Variants in NBEA observed in about 807,000 individuals in gnomAD.
The protein encoded by NBEA is neurobeachin.
A neutral mutation model predicts 343.4 loss-of-function variants in NBEA; 44 were observed. The ratio of observed to expected loss-of-function variants is 0.13; its 90% CI spans 0.10 to 0.16. The LOEUF is 0.16. NBEA is among the 10% of genes least tolerant of loss of function. The pLI is 1.00. For synonymous variants in NBEA, 1,175 were observed against 1,238.7 expected, an observed-to-expected ratio of 0.95 and a Z score of 1.08; for missense variants, 2,555 against 3,631.3, an observed-to-expected ratio of 0.70 and a Z score of 7.62.
At chr13:35,556,022 C>T (rs1346600864) in intron 44 of NBEA, among the ~76,000 whole-genome samples, 1 of 151,656 alleles carries the variant, frequency 6.6e-6, no homozygotes, top group East Asian at 1.9e-4. Context: ...ATTAAATAGA[C>T]AAAACTTGAT....
chr13:35,168,408 A>G (rs1333364298), intron 24 of NBEA, among the ~76,000 whole-genome samples: 1 of 151,598 alleles, frequency 6.6e-6, no homozygotes, highest in Non-Finnish European at 1.5e-5. Flanking sequence ...TAGTATATCA[A>G]GTTATTTTCT....
At chr13:35,054,337 T>C (rs1300856903) in intron 6 of NBEA, among the ~76,000 whole-genome samples, 1 of 152,122 alleles carries the variant, frequency 6.6e-6, no homozygotes. Flanking sequence ...TATTTGACAC[T>C]CTTTTTACGG....
chr13:35,627,664 C>T (rs2083286881), intron 48 of NBEA, among the ~76,000 whole-genome samples: 1 of 151,928 alleles, frequency 6.6e-6, no homozygotes, highest in South Asian at 2.1e-4. Flanking sequence ...ATCAGAGTTT[C>T]TCATAAAATT....
chr13:35,418,828 G>A (rs1271668871), intron 38 of NBEA, among the ~76,000 whole-genome samples: 1 of 151,968 alleles, frequency 6.6e-6, no homozygotes, highest in Non-Finnish European at 1.5e-5. Flanking sequence ...CTATGTTTTA[G>A]TTCGTTGAGG....
intron 33 of NBEA, among the ~76,000 whole-genome samples, chr13:35,217,584 T>C (rs1261326289): frequency 6.6e-6 from 1 of 152,098 alleles, no homozygotes; most frequent in East Asian, 1.9e-4. Flanking sequence ...CATTTTTGCC[T>C]ATGAATGTTC....
chr13:35,606,629 T>G, intron 48 of NBEA, 51 bp downstream of exon 48: 1 of 1,475,052 alleles, frequency 6.8e-7, no homozygotes, highest in Non-Finnish European at 9.1e-7. Context: ...GTTAACATAT[T>G]CTGTAGTTTT....
chr13:35,419,709 A>G (rs2044155815), intron 38 of NBEA, among the ~76,000 whole-genome samples: 1 of 151,914 alleles, frequency 6.6e-6, no homozygotes, highest in African/African-American at 2.4e-5. Flanking sequence ...TTGGGTTAAT[A>G]TCTACCCCCA....
At chr13:35,021,946 ATTTCTGTATGTTTT>A (rs2061857568) in intron 1 of NBEA, among the ~76,000 whole-genome samples, 1 of 152,142 alleles carries the variant, frequency 6.6e-6, no homozygotes, top group Non-Finnish European at 1.5e-5. Flanking sequence ...TGGATTTAAA[ATTTCTGTATGTTTT>A]CTTCTGTCTG....
chr13:35,051,309 G>A (rs2063057600), intron 6 of NBEA, among the ~76,000 whole-genome samples: 1 of 151,974 alleles, frequency 6.6e-6, no homozygotes, highest in African/African-American at 2.4e-5. Flanking sequence ...GTGATTAATG[G>A]TACAATCATA....
chr13:34,947,683 A>AT (rs2059227637), intron 1 of NBEA, among the ~76,000 whole-genome samples: 1 of 152,048 alleles, frequency 6.6e-6, no homozygotes, highest in Admixed American at 6.6e-5. Flanking sequence ...ATGTATATTT[A>AT]TTTTTTGTAT....
In NBEA at chr13:35,055,982, A is replaced by G. The variant is rs376587169; in HGVS notation, c.973-28A>G. The G allele has an allele frequency of 5.8e-4, 892 of 1,534,484 alleles. 11 individuals are homozygous for G. In the South Asian group the frequency reaches 7.8e-3, roughly 13 times the overall value. ...AGACTGTAACAACCAAACATTACAT[A>G]TTGATATATTTAATTTTTTTATTTA... On this transcript the variant is annotated intron_variant, in intron 6 of 58. Coordinates refer to ENST00000379939, the MANE Select transcript of NBEA (RefSeq NM_001385012.1).
intron 1 of NBEA, among the ~76,000 whole-genome samples, chr13:34,984,297 A>G (rs1043565389): frequency 5.9e-5 from 9 of 152,192 alleles, no homozygotes; most frequent in Admixed American, 1.3e-4. Flanking sequence ...TTTATTAAAT[A>G]GGGAATCCTT....
chr13:35,062,400 T>C (rs2063499338), intron 8 of NBEA, among the ~76,000 whole-genome samples: 1 of 151,658 alleles, frequency 6.6e-6, no homozygotes, highest in Non-Finnish European at 1.5e-5. Context: ...ATAGGCACAG[T>C]ATAAGAGAAA....
intron 10 of NBEA, among the ~76,000 whole-genome samples, chr13:35,079,127 A>C (rs1041445006): frequency 6.6e-6 from 1 of 152,194 alleles, no homozygotes; most frequent in African/African-American, 2.4e-5. Context: ...GAATACCATA[A>C]GGCTGACATT....
At chr13:35,576,266 A>G (rs11619498) in intron 45 of NBEA, among the ~76,000 whole-genome samples, 4,961 of 150,698 alleles carry the variant, frequency 0.033, 123 homozygotes, top group Non-Finnish European at 0.046. Context: ...ACATGTGCCC[A>G]CCTCCATGCT....
At chr13:34,978,252 G>T (rs2060245253) in intron 1 of NBEA, among the ~76,000 whole-genome samples, 1 of 152,106 alleles carries the variant, frequency 6.6e-6, no homozygotes, top group Non-Finnish European at 1.5e-5. Context: ...TTTGGTTCTG[G>T]CACACAGACT....
At chr13:34,958,768 T>G (rs745565229) in intron 1 of NBEA, among the ~76,000 whole-genome samples, 4 of 152,114 alleles carry the variant, frequency 2.6e-5, no homozygotes, top group Admixed American at 6.6e-5. Context: ...ATTTTTGCAG[T>G]CTCATAAAAT....
At chr13:35,258,101 T>G (rs2032826039) in intron 34 of NBEA, among the ~76,000 whole-genome samples, 1 of 152,210 alleles carries the variant, frequency 6.6e-6, no homozygotes, top group South Asian at 2.1e-4. Flanking sequence ...GAATTGGAAG[T>G]ACTGTAAAAT....
At chr13:35,060,382 C>G (rs1477345596) in intron 8 of NBEA, among the ~76,000 whole-genome samples, 1 of 151,788 alleles carries the variant, frequency 6.6e-6, no homozygotes, top group Non-Finnish European at 1.5e-5. Context: ...TCTTTTCACA[C>G]GTCTTTCTTG....
Sources: gnomAD v4.1 joint callset for allele counts (sites outside exome capture counted in the v4.1 genomes callset) on GRCh38, gnomAD v4.1.1 for gene constraint, MANE v1.5 for transcripts, NCBI Gene and HGNC (gene_info 2026-07-23, HGNC 2026-07-21) for gene names.